Variants in MIPOL1 observed in about 807,000 individuals in gnomAD.
The protein encoded by MIPOL1 is mirror-image polydactyly gene 1 protein.
In MIPOL1, 57 loss-of-function variants were observed where a neutral mutation model predicts 60.9. That is an observed-to-expected ratio of 0.94 (90% CI 0.76 to 1.17). MIPOL1 has a LOEUF of 1.17. Among genes scored for constraint, MIPOL1 ranks in the 50% most tolerant of loss-of-function variants. The pLI, the probability that MIPOL1 is intolerant of heterozygous loss-of-function variation, is 0.00. For synonymous variants in MIPOL1, 179 were observed against 168.8 expected, an observed-to-expected ratio of 1.06 and a Z score of -0.47; for missense variants, 551 against 511.6, an observed-to-expected ratio of 1.08 and a Z score of -0.74.
intron 1 of MIPOL1, among the ~76,000 whole-genome samples, chr14:37,200,850 ATGTGTGTGTGTGTGTGTG>A (rs56965903): frequency 0.094 from 8,214 of 87,064 alleles, 464 homozygotes; most frequent in South Asian, 0.24. Context: ...ATATCTATCT[ATGTGTGTGTGTGTGTGTG>A]TGTGTGTGTG....
At position 37,547,051 on chromosome 14, in the gene MIPOL1, G is replaced by C; in HGVS notation, c.*80G>C. 1 of 1,216,992 alleles carries C rather than the reference G, an allele frequency of 8.2e-7. No individual in the cohort carries two copies. The highest frequency in any genetic ancestry group is 1.2e-6 in the Non-Finnish European group (1 of 834,142). The allele number at this position is 1,216,992 out of a possible 1,614,324, so 75.4% of individuals were successfully genotyped here. ...CATTCAACACTGTGTAAACACCAAAGCCTTAACTTAGCAAACAGTTGTTAG... is the reference window on the plus strand; with the variant it reads ...CATTCAACACTGTGTAAACACCAAACCCTTAACTTAGCAAACAGTTGTTAG... On this transcript the variant is annotated 3_prime_UTR_variant, in exon 13 of 13. Transcript: ENST00000684589.
At chr14:37,318,710 T>C (rs2088205142) in intron 9 of MIPOL1, among the ~76,000 whole-genome samples, 1 of 152,202 alleles carries the variant, frequency 6.6e-6, no homozygotes, top group Non-Finnish European at 1.5e-5. Flanking sequence ...TCAATACATA[T>C]TGTATTGTAT....
At chr14:37,215,155 C>T (rs1002584574) in intron 1 of MIPOL1, among the ~76,000 whole-genome samples, 1 of 152,150 alleles carries the variant, frequency 6.6e-6, no homozygotes, top group Non-Finnish European at 1.5e-5. Flanking sequence ...CTCTGTCCGC[C>T]TTGGCTGCCC....
At chr14:37,294,684 G>C (rs552515586) in intron 7 of MIPOL1, among the ~76,000 whole-genome samples, 2 of 152,132 alleles carry the variant, frequency 1.3e-5, no homozygotes, top group South Asian at 4.1e-4. Context: ...TAACCGATGC[G>C]ATCAACTGGA....
chr14:37,355,220 T>C (rs1319742483), intron 9 of MIPOL1, among the ~76,000 whole-genome samples: 1 of 143,612 alleles, frequency 7.0e-6, no homozygotes, highest in Non-Finnish European at 1.5e-5. Context: ...TCTTTAAGAA[T>C]GTTGAATATT....
At chr14:37,348,948 C>T (rs1455565872) in intron 9 of MIPOL1, among the ~76,000 whole-genome samples, 1 of 149,920 alleles carries the variant, frequency 6.7e-6, no homozygotes, top group Non-Finnish European at 1.5e-5. Flanking sequence ...CCTGCTTTAG[C>T]CTCGTACAGG....
intron 1 of MIPOL1, among the ~76,000 whole-genome samples, chr14:37,212,971 C>A (rs1966947839): frequency 6.6e-6 from 1 of 152,164 alleles, no homozygotes; most frequent in Admixed American, 6.5e-5. Flanking sequence ...CCAAGATTAT[C>A]AAGGTTGTAC....
chr14:37,480,416 A>G (rs1451510139), intron 11 of MIPOL1, among the ~76,000 whole-genome samples: 1 of 152,202 alleles, frequency 6.6e-6, no homozygotes, highest in African/African-American at 2.4e-5. Flanking sequence ...AATACATTTG[A>G]TACATCACAT....
At chr14:37,347,100 G>A (rs528011874) in intron 9 of MIPOL1, among the ~76,000 whole-genome samples, 70 of 152,064 alleles carry the variant, frequency 4.6e-4, no homozygotes, top group Non-Finnish European at 7.2e-4. Flanking sequence ...AGTTAATACC[G>A]AAAAAGGAAT....
chr14:37,506,877 C>T (rs1001610495), intron 12 of MIPOL1: 5 of 151,962 alleles, frequency 3.3e-5, no homozygotes, highest in Non-Finnish European at 7.4e-5. Flanking sequence ...CCAGAATGTA[C>T]ATAATTTATT....
At chr14:37,246,072 A>T (rs1285836799) in intron 1 of MIPOL1, among the ~76,000 whole-genome samples, 1 of 152,176 alleles carries the variant, frequency 6.6e-6, no homozygotes, top group Non-Finnish European at 1.5e-5. Flanking sequence ...GAAGTTTATT[A>T]AAAAATTAAT....
chr14:37,440,293 CT>C, intron 11 of MIPOL1, among the ~76,000 whole-genome samples: 2 of 152,276 alleles, frequency 1.3e-5, no homozygotes, highest in African/African-American at 4.8e-5. Flanking sequence ...ATTATATAAA[CT>C]TATGTGGCAC....
intron 12 of MIPOL1, among the ~76,000 whole-genome samples, chr14:37,530,958 C>A (rs960464363): frequency 9.9e-5 from 15 of 151,876 alleles, no homozygotes; most frequent in African/African-American, 3.6e-4. Context: ...GCTGAGATTA[C>A]AGGTGCCCGC....
chr14:37,476,715 G>C (rs1372093327), intron 11 of MIPOL1, among the ~76,000 whole-genome samples: 1 of 151,894 alleles, frequency 6.6e-6, no homozygotes, highest in Non-Finnish European at 1.5e-5. Flanking sequence ...AGACTATTTT[G>C]TGATGGAGTA....
At chr14:37,495,324 C>G (rs1296068947) in intron 11 of MIPOL1, among the ~76,000 whole-genome samples, 3 of 135,196 alleles carry the variant, frequency 2.2e-5, no homozygotes, top group Non-Finnish European at 3.1e-5. Context: ...TGTTCCCCTT[C>G]CTGTGTCCAT....
At chr14:37,423,228 T>C (rs1396859483) in intron 11 of MIPOL1, among the ~76,000 whole-genome samples, 1 of 151,510 alleles carries the variant, frequency 6.6e-6, no homozygotes, top group Non-Finnish European at 1.5e-5. Context: ...GCTGTTGAGC[T>C]ATTTGCCCAT....
chr14:37,229,493 C>G (rs1054584221), intron 1 of MIPOL1, among the ~76,000 whole-genome samples: 2 of 151,962 alleles, frequency 1.3e-5, no homozygotes, highest in African/African-American at 4.8e-5. Flanking sequence ...AACCAAAAAA[C>G]AAAACAAAAC....
chr14:37,537,861 A>G (rs1267703512), intron 12 of MIPOL1, among the ~76,000 whole-genome samples: 1 of 152,240 alleles, frequency 6.6e-6, no homozygotes, highest in African/African-American at 2.4e-5. Flanking sequence ...AACTTCAACA[A>G]GAAATGGTCT....
intron 11 of MIPOL1, among the ~76,000 whole-genome samples, chr14:37,495,135 A>AT (rs527790090): frequency 2.4e-5 from 3 of 126,290 alleles, no homozygotes; most frequent in South Asian, 2.5e-4. Context: ...TTTTTTTAAT[A>AT]TTTTTTTTAT....
Sources: gnomAD v4.1 joint callset for allele counts (sites outside exome capture counted in the v4.1 genomes callset) on GRCh38, gnomAD v4.1.1 for gene constraint, MANE v1.5 for transcripts, NCBI Gene and HGNC (gene_info 2026-07-23, HGNC 2026-07-21) for gene names.